The following MACROD2 variants were observed in gnomAD, a reference collection of about 807,000 sequenced individuals.
MACROD2 encodes the protein ADP-ribose glycohydrolase MACROD2.
Under a neutral mutation model 70.4 loss-of-function variants are expected in MACROD2, and 36 were observed. The ratio of observed to expected loss-of-function variants is 0.51; its 90% CI spans 0.39 to 0.68. The LOEUF (loss-of-function observed/expected upper bound fraction) is 0.68. Ranked by LOEUF, MACROD2 falls within the 30% of genes least tolerant of loss-of-function variation. The pLI, the probability that MACROD2 is intolerant of heterozygous loss-of-function variation, is 0.00. For synonymous variants in MACROD2, 172 were observed against 178.8 expected (o/e 0.96, Z 0.30); for missense variants, 496 against 538.4 (o/e 0.92, Z 0.78).
chr20:15,052,290 A>C (rs866434734), intron 5 of MACROD2, among the ~76,000 whole-genome samples: 23 of 152,208 alleles, frequency 1.5e-4, no homozygotes, highest in African/African-American at 5.1e-4. Context: ...TGGCATATAC[A>C]GGCATCGCTT....
intron 12 of MACROD2, among the ~76,000 whole-genome samples, chr20:15,967,011 C>A (rs2066150272): frequency 6.6e-6 from 1 of 152,116 alleles, no homozygotes; most frequent in South Asian, 2.1e-4. Context: ...TTTAAATGTG[C>A]TAAGCGAGGG....
intron 3 of MACROD2, among the ~76,000 whole-genome samples, chr20:14,213,361 CAAAAAAAAAAAA>C (rs60009822): frequency 6.6e-5 from 2 of 30,262 alleles, no homozygotes; most frequent in Admixed American, 1.4e-3. Context: ...CTTCTAGTGG[CAAAAAAAAAAAA>C]AAAAAAAAAA....
At chr20:15,859,742 C>T (rs1337507445) in intron 8 of MACROD2, among the ~76,000 whole-genome samples, 2 of 147,398 alleles carry the variant, frequency 1.4e-5, no homozygotes, top group African/African-American at 4.9e-5. Context: ...AAGTGTTTCA[C>T]TGTCACCATC....
chr20:14,212,631 G>A lies in MACROD2; in HGVS notation c.271+126903G>A, dbSNP rs1221635464. 2.0e-5 allele frequency among the ~76,000 whole-genome samples: 3 copies of A among 152,124 alleles called. 1 individual carries two copies. The South Asian group carries it at 6.2e-4, about 32-fold the overall frequency. On this transcript the variant is annotated intron_variant, in intron 3 of 17. Coordinates refer to ENST00000684519, the MANE Select transcript of MACROD2 (RefSeq NM_001351661.2). The stretch of plus-strand genomic sequence containing the variant: ...GAATGTAGAATTTGGAGTCAAGGAA[G>A]CTAGTTTGGGTCTCAACATTGATAC...
intron 15 of MACROD2, among the ~76,000 whole-genome samples, chr20:15,989,619 C>G (rs2066531461): frequency 6.6e-6 from 1 of 151,942 alleles, no homozygotes; most frequent in Non-Finnish European, 1.5e-5. Context: ...ATTAAAAAGT[C>G]TTGTTTGAAA....
intron 6 of MACROD2, among the ~76,000 whole-genome samples, chr20:15,416,333 A>T: frequency 6.6e-6 from 1 of 152,082 alleles, no homozygotes; most frequent in East Asian, 1.9e-4. Context: ...TGTCCTTTAG[A>T]CATCTCTTTC....
chr20:14,861,978 T>C (rs1600734439), intron 5 of MACROD2, among the ~76,000 whole-genome samples: 1 of 48,356 alleles, frequency 2.1e-5, no homozygotes, highest in South Asian at 4.7e-4. Context: ...TATATATAAA[T>C]ATATATATAT....
intron 15 of MACROD2, among the ~76,000 whole-genome samples, chr20:16,001,019 A>T (rs528680777): frequency 6.6e-6 from 1 of 152,316 alleles, no homozygotes; most frequent in Non-Finnish European, 1.5e-5. Context: ...TTGGATTTAG[A>T]CTCAACCACT....
At chr20:15,169,256 C>T (rs1366952711) in intron 5 of MACROD2, among the ~76,000 whole-genome samples, 2 of 152,158 alleles carry the variant, frequency 1.3e-5, no homozygotes, top group Non-Finnish European at 2.9e-5. Context: ...CATTCTATTT[C>T]TCTTTTCCCA....
In MACROD2 at chr20:15,458,627, G is replaced by GTT. The variant is rs1195911390; in HGVS notation, c.571+27203_571+27204dup. Reference sequence around the variant, plus strand: ...CAATGAACTGTTTTTTTGTTTTTTTGTTTTTTTTTTTTAAAAAAAAAAAAG... The same window carrying GTT: ...CAATGAACTGTTTTTTTGTTTTTTTGTTTTTTTTTTTTTTAAAAAAAAAAAAG... On this transcript the variant is annotated intron_variant, in intron 7 of 17. Transcript: ENST00000684519. 3.3e-3 allele frequency among the ~76,000 whole-genome samples: 359 copies of GTT among 108,940 alleles called. 1 individual carries two copies. The highest frequency in any genetic ancestry group is 0.011 in the African/African-American group (342 of 31,320). The allele number at this position is 108,940 out of a possible 152,430, so 71.5% of individuals were successfully genotyped here.
chr20:15,555,703 C>G (rs1161818540), intron 8 of MACROD2, among the ~76,000 whole-genome samples: 1 of 151,706 alleles, frequency 6.6e-6, no homozygotes, highest in African/African-American at 2.4e-5. Flanking sequence ...TAGCTAGGCA[C>G]CTGTAGTCCC....
chr20:14,503,683 A>C (rs2084939280), intron 4 of MACROD2, among the ~76,000 whole-genome samples: 1 of 152,210 alleles, frequency 6.6e-6, no homozygotes, highest in East Asian at 1.9e-4. Flanking sequence ...AGCTCTCAGA[A>C]ATAGCCATGA....
chr20:14,021,182 G>C (rs753926277), intron 2 of MACROD2, among the ~76,000 whole-genome samples: 1 of 151,922 alleles, frequency 6.6e-6, no homozygotes, highest in Non-Finnish European at 1.5e-5. Context: ...GTAGAGACGC[G>C]GTTTCACCGT....
rs548088661 is a variant in MACROD2 at position 14,979,293 on chromosome 20, T to C, written c.419-250647T>C. Among the ~76,000 whole-genome samples, 8 of 152,198 alleles carry C rather than the reference T, an allele frequency of 5.3e-5. No individual in the cohort carries two copies. The South Asian group carries it at 1.2e-3, about 24-fold the overall frequency. On this transcript the variant is annotated intron_variant, in intron 5 of 17. Transcript: ENST00000684519. ...TATTTTAATGAACAAAAGATTAGAA[T>C]AAAATTTGTAAAATTTTTATTTCTA... is the stretch of plus-strand genomic sequence containing the variant.
chr20:15,986,627 C>A, intron 13 of MACROD2, 100 bp from the exon 14 acceptor site: 1 of 676,882 alleles, frequency 1.5e-6, no homozygotes, highest in Non-Finnish European at 2.4e-6. Flanking sequence ...TGTTCTCTAT[C>A]TCTCCATGCA....
intron 2 of MACROD2, among the ~76,000 whole-genome samples, chr20:14,073,495 A>G: frequency 6.6e-6 from 1 of 152,232 alleles, no homozygotes; most frequent in Non-Finnish European, 1.5e-5. Context: ...GAAAATAAAT[A>G]TAAATTGTCC....
chr20:14,769,782 G>A (rs760943734), intron 5 of MACROD2, among the ~76,000 whole-genome samples: 3 of 152,000 alleles, frequency 2.0e-5, no homozygotes, highest in Non-Finnish European at 2.9e-5. Flanking sequence ...TTTGGAGTAC[G>A]GCTATGCTGT....
intron 6 of MACROD2, among the ~76,000 whole-genome samples, chr20:15,273,405 TA>T (rs1568683965): frequency 7.0e-6 from 1 of 142,842 alleles, no homozygotes; most frequent in African/African-American, 2.8e-5. Flanking sequence ...TAATACTTAC[TA>T]AACTCCCCTC....
chr20:14,597,902 T>C (rs890020362), intron 4 of MACROD2, among the ~76,000 whole-genome samples: 7 of 152,160 alleles, frequency 4.6e-5, no homozygotes, highest in African/African-American at 1.7e-4. Context: ...GTGCTGTTGA[T>C]TGAACTTCTC....
Sources: gnomAD v4.1 joint callset for allele counts (sites outside exome capture counted in the v4.1 genomes callset) on GRCh38, gnomAD v4.1.1 for gene constraint, MANE v1.5 for transcripts, NCBI Gene and HGNC (gene_info 2026-07-23, HGNC 2026-07-21) for gene names.